Variants in GPR107 observed in about 807,000 individuals in gnomAD.
GPR107 encodes the protein G protein-coupled receptor 107, also known as protein GPR107.
Under a neutral mutation model 75.5 loss-of-function variants are expected in GPR107, and 31 were observed. That is an observed-to-expected ratio of 0.41 (90% CI 0.31 to 0.55). The LOEUF (loss-of-function observed/expected upper bound fraction) is 0.55, where lower values mean the gene tolerates loss of function less well. GPR107 is among the 20% of genes least tolerant of loss of function. The pLI is 0.26. For missense variants in GPR107, 572 were observed against 665.7 expected, an observed-to-expected ratio of 0.86 and a Z score of 1.55; for synonymous variants, 267 against 251.3, an observed-to-expected ratio of 1.06 and a Z score of -0.59.
At chr9:130,077,177 C>T (rs1469921132) in intron 3 of GPR107, 122 bp from the exon 4 acceptor site, 25 of 660,802 alleles carry the variant, frequency 3.8e-5, no homozygotes, top group African/African-American at 2.9e-4. Context: ...TGAGCCACCA[C>T]GCCCACCGGT....
At chr9:130,077,590 G>A (rs1166388006) in intron 4 of GPR107, among the ~76,000 whole-genome samples, 2 of 152,172 alleles carry the variant, frequency 1.3e-5, no homozygotes, top group East Asian at 1.9e-4. Context: ...AGAAGTGGAA[G>A]GGAAGAACTC....
intron 13 of GPR107, among the ~76,000 whole-genome samples, chr9:130,106,933 A>T (rs1831174036): frequency 1.3e-5 from 2 of 152,082 alleles, no homozygotes; most frequent in African/African-American, 2.4e-5. Context: ...TCCTGTAATA[A>T]TGTTAATGTT....
At chr9:130,054,891 A>G (rs1829711706) in intron 1 of GPR107, among the ~76,000 whole-genome samples, 1 of 152,114 alleles carries the variant, frequency 6.6e-6, no homozygotes, top group African/African-American at 2.4e-5. Context: ...AGCCTAGTCA[A>G]CGTGCTAAGG....
chr9:130,120,764 C>T (rs917279981), intron 14 of GPR107: 3 of 152,262 alleles, frequency 2.0e-5, no homozygotes, highest in Admixed American at 2.0e-4. Flanking sequence ...GGATTGTTCT[C>T]AAGTGTAGAC....
At position 130,107,552 on chromosome 9, in the gene GPR107, G is replaced by C. The variant is rs938797283; in HGVS notation, c.1306+13G>C. 12 of 1,563,432 alleles carry C rather than the reference G, an allele frequency of 7.7e-6. No individual in the cohort carries two copies. The South Asian group carries it at 7.8e-5, about 10-fold the overall frequency. ...ACAGATGGAAAAGGCAAGTTCTCTC[G>C]TGCTCATTTTGTGTTGCTCAGCTTG... On this transcript the variant is annotated intron_variant, in intron 14 of 17. Transcript: ENST00000347136.
At chr9:130,106,617 A>AAATAAATAAAT (rs1554895842) in intron 13 of GPR107, among the ~76,000 whole-genome samples, 10 of 145,198 alleles carry the variant, frequency 6.9e-5, no homozygotes, top group South Asian at 2.2e-4. Context: ...ATAAATAAAT[A>AAATAAATAAAT]AATAATAATA....
intron 1 of GPR107, among the ~76,000 whole-genome samples, chr9:130,075,241 CTTTTTTTTT>C (rs149248581): frequency 1.3e-5 from 1 of 76,738 alleles, no homozygotes; most frequent in Non-Finnish European, 2.6e-5. Context: ...TTTCTTTTAC[CTTTTTTTTT>C]TTTTTTTTTT....
intron 15 of GPR107, among the ~76,000 whole-genome samples, chr9:130,126,628 G>A (rs1288464532): frequency 2.0e-5 from 3 of 152,104 alleles, no homozygotes; most frequent in Non-Finnish European, 4.4e-5. Context: ...GGGATTATAG[G>A]CGTGAGCCAT....
chr9:130,057,556 C>T (rs965724477), intron 1 of GPR107, among the ~76,000 whole-genome samples: 1 of 150,834 alleles, frequency 6.6e-6, no homozygotes, highest in Admixed American at 6.6e-5. Flanking sequence ...TGGAGAATTT[C>T]CAATATACTA....
Position 130,136,213 on chromosome 9 carries a change from C to T in GPR107, c.*1092C>T, listed in dbSNP as rs1554899954. 6.6e-6 allele frequency: 1 copy of T among 152,194 alleles called. No homozygotes were observed. Among genetic ancestry groups the T allele is most frequent in the East Asian group, 1.9e-4 (1 of 5,202 alleles). The allele number at this position is 152,194 out of a possible 1,614,324, so 9.4% of individuals were successfully genotyped here. On this transcript the variant is annotated 3_prime_UTR_variant, in exon 18 of 18. Coordinates refer to ENST00000347136, the MANE Select transcript of GPR107 (RefSeq NM_020960.5). The stretch of plus-strand genomic sequence containing the variant: ...GTGAGCATGATTCAACAGTTTCACT[C>T]TCAGGGATTTTAGGATGGCAAAATA...
chr9:130,110,613 G>T (rs1014358032), intron 14 of GPR107, among the ~76,000 whole-genome samples: 1 of 152,210 alleles, frequency 6.6e-6, no homozygotes, highest in African/African-American at 2.4e-5. Context: ...GCATCACTCT[G>T]TACCCTGAAA....
In GPR107 at chr9:130,124,918, C is replaced by T. The variant is rs755588764; in HGVS notation, c.1310C>T (p.Ala437Val). The T allele has an allele frequency of 1.3e-6, 2 of 1,548,412 alleles. No homozygotes were observed. Among genetic ancestry groups the T allele is most frequent in the Non-Finnish European group, 1.8e-6 (2 of 1,136,110 alleles). ...TTTTGTTCTTTCTTCTCTCTAGCTGCTATTAACTTAGCAAAGCTGAAACTT... is the reference window on the plus strand; with the variant it reads ...TTTTGTTCTTTCTTCTCTCTAGCTGTTATTAACTTAGCAAAGCTGAAACTT... Reference protein sequence around the residue: ...QEASATDGKAAINLAKLKLFR... With the variant: ...QEASATDGKAVINLAKLKLFR... Residue 437 changes from alanine to valine, a missense_variant, in exon 15 of 18, where the codon GCT becomes GTT. Transcript: ENST00000347136.
At chr9:130,086,091 A>G (rs1338430791) in intron 6 of GPR107, among the ~76,000 whole-genome samples, 1 of 152,006 alleles carries the variant, frequency 6.6e-6, no homozygotes, top group Non-Finnish European at 1.5e-5. Flanking sequence ...AATTCAGGGG[A>G]TGTAACAGGG....
At position 130,125,898 on chromosome 9, in the gene GPR107, TAAAA is replaced by T. The variant is rs202012729; in HGVS notation, c.1356+938_1356+941del. 1.1e-3 allele frequency among the ~76,000 whole-genome samples: 164 copies of T among 151,712 alleles called. No homozygotes were observed. In the East Asian group the frequency reaches 0.024, roughly 23 times the overall value. On this transcript the variant is annotated intron_variant, in intron 15 of 17. Coordinates refer to ENST00000347136, the MANE Select transcript of GPR107 (RefSeq NM_020960.5). ...CCCCATCTCTACTAAAAATAAAAAA[TAAAA>T]AAATTAGCTGGGCATGGTGGCGTGT...
chr9:130,124,703 G>C (rs779088703), intron 14 of GPR107, among the ~76,000 whole-genome samples: 9 of 152,192 alleles, frequency 5.9e-5, no homozygotes, highest in African/African-American at 1.9e-4. Context: ...CCAGCTCATG[G>C]GGCTCACTGG....
chr9:130,107,078 A>T (rs1296868566), intron 13 of GPR107, among the ~76,000 whole-genome samples: 1 of 152,152 alleles, frequency 6.6e-6, no homozygotes, highest in African/African-American at 2.4e-5. Context: ...GTATGTTCAC[A>T]GCTCTTAGAC....
chr9:130,086,382 C>T (rs1441618199), intron 6 of GPR107, 38 bp from the exon 7 acceptor site: 3 of 935,504 alleles, frequency 3.2e-6, no homozygotes, highest in Non-Finnish European at 5.3e-6. Flanking sequence ...TGCTTCTATG[C>T]CGGTGTCATC....
intron 5 of GPR107, among the ~76,000 whole-genome samples, chr9:130,082,295 C>T (rs544987023): frequency 6.6e-6 from 1 of 152,228 alleles, no homozygotes; most frequent in Admixed American, 6.5e-5. Flanking sequence ...AGTTAAAAGC[C>T]ACACAGAAAG....
chr9:130,083,592 T>G lies in GPR107; in HGVS notation c.554T>G (p.Val185Gly). 1 of 1,528,734 alleles carries G rather than the reference T, an allele frequency of 6.5e-7. No homozygotes were observed. The highest frequency in any genetic ancestry group is 1.3e-5 in the South Asian group (1 of 76,436). 94.7% of individuals were successfully genotyped at this position (1,528,734 alleles called of 1,614,324 possible). A position where few individuals can be genotyped will look rare whatever the true frequency, so the allele number is the denominator to read the frequency against. The stretch of plus-strand genomic sequence containing the variant: ...GGTGGAAAGTCTAAAAGAAGTACAG[T>G]GGATTCAAAGGTAAGAACTAACCAC... ...QDGGKSKRST[V>G]DSKAMGEKSF... The change falls in exon 6 of 18, where the codon GTG becomes GGG. Residue 185 changes from valine (V) to glycine (G), a missense_variant. Coordinates refer to ENST00000347136, the MANE Select transcript of GPR107 (RefSeq NM_020960.5).
Sources: gnomAD v4.1 joint callset for allele counts (sites outside exome capture counted in the v4.1 genomes callset) on GRCh38, gnomAD v4.1.1 for gene constraint, MANE v1.5 for transcripts, NCBI Gene and HGNC (gene_info 2026-07-23, HGNC 2026-07-21) for gene names.